ANKRD39: variants seen among roughly 807,000 people sequenced by gnomAD.
The protein encoded by ANKRD39 is ankyrin repeat domain-containing protein 39.
A neutral mutation model predicts 20.3 loss-of-function variants in ANKRD39; 18 were observed. The ratio of observed to expected loss-of-function variants is 0.89; its 90% CI spans 0.61 to 1.32. ANKRD39 has a LOEUF of 1.32. ANKRD39 is among the 40% of genes most tolerant of loss of function. The pLI is 0.00. For synonymous variants in ANKRD39, 106 were observed against 111.9 expected (o/e 0.95, Z 0.33); for missense variants, 243 against 250.7 (o/e 0.97, Z 0.21).
chr2:96,855,356 CAA>C (rs1288088302), intron 1 of ANKRD39, among the ~76,000 whole-genome samples: 6 of 152,130 alleles, frequency 3.9e-5, no homozygotes, highest in Non-Finnish European at 8.8e-5. Flanking sequence ...ATAGATGGGT[CAA>C]AGAGTACTGC....
chr2:96,848,079 G>T lies in ANKRD39; in HGVS notation c.*222C>A. On this transcript the variant is annotated 3_prime_UTR_variant, in exon 4 of 4. Coordinates refer to ENST00000393537, the MANE Select transcript of ANKRD39 (RefSeq NM_016466.6). ...AACTTTATTTTTTTCCAAATAAATA[G>T]ATGTCTCATATGAACTAATTTAGAA... 1 of 477,254 alleles carries T rather than the reference G, an allele frequency of 2.1e-6. No individual in the cohort carries two copies. Among genetic ancestry groups the T allele is most frequent in the East Asian group, 3.1e-5 (1 of 32,192 alleles). The allele number at this position is 477,254 out of a possible 1,614,324, so 29.6% of individuals were successfully genotyped here. A position where few individuals can be genotyped will look rare whatever the true frequency, so the allele number is the denominator to read the frequency against.
rs142016556 is a variant in ANKRD39 at position 96,853,468 on chromosome 2, C to T, written c.341G>A (p.Arg114Gln). 53 of 1,603,036 alleles carry T rather than the reference C, an allele frequency of 3.3e-5. No homozygotes were observed. In the African/African-American group the frequency reaches 5.0e-4, roughly 15 times the overall value. ...ASYCGHTEIA[R>Q]LLLSHGSNPR... ...GTTGGACCCATGTGATAGCAGGAGCCGCGCGATTTCAGTGTGCCCGCAGTA... is the reference window on the plus strand; with the variant it reads ...GTTGGACCCATGTGATAGCAGGAGCTGCGCGATTTCAGTGTGCCCGCAGTA... The change falls in exon 3 of 4, where the codon CGG becomes CAG. Residue 114 changes from arginine (R) to glutamine (Q), a missense_variant. Transcript: ENST00000393537.
At chr2:96,855,904 T>C (rs1255666845) in intron 1 of ANKRD39, among the ~76,000 whole-genome samples, 1 of 151,750 alleles carries the variant, frequency 6.6e-6, no homozygotes, top group African/African-American at 2.4e-5. Context: ...GGCGTGAACC[T>C]GGGAGGTGGA....
chr2:96,848,511 C>G (rs1332702144), intron 3 of ANKRD39, 67 bp from the exon 4 acceptor site: 1 of 1,582,344 alleles, frequency 6.3e-7, no homozygotes, highest in East Asian at 2.3e-5. Flanking sequence ...TCTTGTTCCA[C>G]TTTCAGTGGT....
intron 3 of ANKRD39, among the ~76,000 whole-genome samples, chr2:96,850,539 C>T (rs2079831673): frequency 6.6e-6 from 1 of 152,018 alleles, no homozygotes; most frequent in Non-Finnish European, 1.5e-5. Context: ...GTGGTGCGTG[C>T]CTGTAATCCC....
chr2:96,856,174 T>G (rs951518142), intron 1 of ANKRD39, among the ~76,000 whole-genome samples: 13 of 152,122 alleles, frequency 8.5e-5, no homozygotes, highest in African/African-American at 3.1e-4. Context: ...GTAAAAATTG[T>G]TTTTTATGAA....
intron 3 of ANKRD39, 110 bp downstream of exon 3, chr2:96,853,291 A>AT (rs1348521207): frequency 2.4e-5 from 31 of 1,317,568 alleles, no homozygotes; most frequent in Non-Finnish European, 2.9e-5. Flanking sequence ...ATTACAAATG[A>AT]TTTTAACTGT....
chr2:96,853,524 G>C lies in ANKRD39; in HGVS notation c.285C>G (p.His95Gln). ...ESGAKCDAQT[H>Q]GGATALHRAS... ...CTCGGTGCAGAGCAGTGGCACCCCC[G>C]TGGGTCTGGGCATCACACTTAGCTC... Residue 95 changes from histidine to glutamine, a missense_variant, in exon 3 of 4, where the codon CAC (histidine) becomes CAG (glutamine). Coordinates refer to ENST00000393537, the MANE Select transcript of ANKRD39 (RefSeq NM_016466.6). The C allele has an allele frequency of 6.2e-7, 1 of 1,613,326 alleles. No individual in the cohort carries two copies. The highest frequency in any genetic ancestry group is 8.5e-7 in the Non-Finnish European group (1 of 1,179,932).
rs2079849120 is a variant in ANKRD39 at position 96,853,586 on chromosome 2, C to T, written c.223G>A (p.Gly75Arg). The change falls in exon 3 of 4, where the codon GGG (glycine) becomes AGG (arginine). Residue 75 changes from glycine to arginine, a missense_variant. Gly to Arg is a moderately radical substitution (Grantham distance 125, BLOSUM62 -2). Coordinates refer to ENST00000393537, the MANE Select transcript of ANKRD39 (RefSeq NM_016466.6). ...AGGAACTGGCACACAGCGTAGTGCC[C>T]ATTGCGGCTGGCATAGTGCTGCAGG... ...YTALHYASRNGHYAVCQFLLE... is the reference protein window; with the variant it reads ...YTALHYASRNRHYAVCQFLLE... 1 of 1,612,020 alleles carries T rather than the reference C, an allele frequency of 6.2e-7. No homozygotes were observed. Among genetic ancestry groups the T allele is most frequent in the Admixed American group, 1.7e-5 (1 of 59,996 alleles).
rs921610387 is a variant in ANKRD39, at chr2:96,858,012, G to C, written c.-25C>G. The C allele has an allele frequency of 6.6e-7, 1 of 1,508,300 alleles. No homozygotes were observed. The highest frequency in any genetic ancestry group is 8.8e-7 in the Non-Finnish European group (1 of 1,132,942). The allele number at this position is 1,508,300 out of a possible 1,614,324, so 93.4% of individuals were successfully genotyped here. A position where few individuals can be genotyped will look rare whatever the true frequency, so the allele number is the denominator to read the frequency against. On this transcript the variant is annotated 5_prime_UTR_variant, in exon 1 of 4. Transcript: ENST00000393537. ...TCCCGGCCCCGGCGTCAGTCGATCC[G>C]CCCCGGGTCTCAGGCTCAGCCTCGG...
intron 1 of ANKRD39, among the ~76,000 whole-genome samples, chr2:96,856,554 G>T (rs1281551286): frequency 6.6e-6 from 1 of 151,664 alleles, no homozygotes; most frequent in African/African-American, 2.4e-5. Context: ...CTTCTTAACA[G>T]CACAATTGAC....
In ANKRD39 at chr2:96,848,456, A is replaced by G; in HGVS notation, c.409-12T>C. On this transcript the variant is annotated splice_polypyrimidine_tract_variant and intron_variant, in intron 3 of 3. Transcript: ENST00000393537. ...CCCCTCTCAGCAGCCTGTGGAGAGAAAGGCTGGAATCAAAGGGCATACCCC... is the reference window on the plus strand; with the variant it reads ...CCCCTCTCAGCAGCCTGTGGAGAGAGAGGCTGGAATCAAAGGGCATACCCC... 1 of 1,613,624 alleles carries G rather than the reference A, an allele frequency of 6.2e-7. No individual in the cohort carries two copies. Among genetic ancestry groups the G allele is most frequent in the Non-Finnish European group, 8.5e-7 (1 of 1,179,652 alleles).
chr2:96,852,291 G>A (rs779244462), intron 3 of ANKRD39, among the ~76,000 whole-genome samples: 14 of 150,836 alleles, frequency 9.3e-5, no homozygotes, highest in Non-Finnish European at 2.1e-4. Flanking sequence ...GGAGGCTGAG[G>A]TGGGAAGATC....
chr2:96,851,974 C>T (rs530113328), intron 3 of ANKRD39, among the ~76,000 whole-genome samples: 33 of 151,886 alleles, frequency 2.2e-4, no homozygotes, highest in Non-Finnish European at 4.4e-5. Flanking sequence ...GCCCAGGTGT[C>T]GAGACGATAG....
rs200576046 is a variant in ANKRD39, at chr2:96,857,983, G to A, written c.5C>T (p.Ala2Val). Residue 2 changes from alanine (A) to valine (V), a missense_variant, in exon 1 of 4, where the codon GCG becomes GTG. Coordinates refer to ENST00000393537, the MANE Select transcript of ANKRD39 (RefSeq NM_016466.6). ...CCCGTCCGCGCAGGGCCGAGGCGTC[G>A]CCATCCCGGCCCCGGCGTCAGTCGA... is the stretch of plus-strand genomic sequence containing the variant. Reference protein sequence around the residue: MATPRPCADGPC... With the variant: MVTPRPCADGPC... The A allele has an allele frequency of 2.0e-3, 3,039 of 1,531,032 alleles. 6 individuals carry two copies. Among genetic ancestry groups the A allele is most frequent in the Middle Eastern group, 7.3e-3 (43 of 5,890 alleles). 94.8% of individuals were successfully genotyped at this position (1,531,032 alleles called of 1,614,324 possible).
At chr2:96,853,675 G>C in intron 2 of ANKRD39, 71 bp from the exon 3 acceptor site, 3 of 1,459,500 alleles carry the variant, frequency 2.1e-6, no homozygotes, top group Non-Finnish European at 2.8e-6. Context: ...AGAGGTGAGA[G>C]CATGGCCTCC....
Position 96,848,347 on chromosome 2 carries a change from T to C in ANKRD39, c.506A>G (p.Asp169Gly). 6.2e-7 allele frequency: 1 copy of C among 1,614,170 alleles called. No individual in the cohort carries two copies. Residue 169 changes from aspartate (D) to glycine (G), a missense_variant, in exon 4 of 4, where the codon GAC (aspartate) becomes GGC (glycine). Asp to Gly is a moderately conservative substitution (Grantham distance 94, BLOSUM62 -1). Transcript: ENST00000393537. ...IRDRKARLAC[D>G]LLPCNSDLRD... ...CAGGTCACTGTTGCAAGGCAGCAGG[T>C]CACATGCTAGCCGTGCCTTTCGGTC...
chr2:96,856,135 T>C (rs1033550245), intron 1 of ANKRD39, among the ~76,000 whole-genome samples: 20 of 152,180 alleles, frequency 1.3e-4, no homozygotes, highest in African/African-American at 4.8e-4. Context: ...TGTATTTGTT[T>C]GCACAAAAAA....
At position 96,853,421 on chromosome 2, in the gene ANKRD39, C is replaced by A; in HGVS notation, c.388G>T (p.Gly130Cys). The A allele has an allele frequency of 6.3e-7, 1 of 1,582,096 alleles. No homozygotes were observed. The change falls in exon 3 of 4, where the codon GGC (glycine) becomes TGC (cysteine). Residue 130 changes from glycine (G) to cysteine (C), a missense_variant. By Grantham distance (159) the Gly-to-Cys change is radical. Coordinates refer to ENST00000393537, the MANE Select transcript of ANKRD39 (RefSeq NM_016466.6). ...CCCACCTTATGCAGACTGGTCATGC[C>A]GTCGTCATCCACCACCCTGGGGTTG... Reference protein sequence around the residue: ...GSNPRVVDDDGMTSLHKAAER... With the variant: ...GSNPRVVDDDCMTSLHKAAER...
Sources: gnomAD v4.1 joint callset for allele counts (sites outside exome capture counted in the v4.1 genomes callset) on GRCh38, gnomAD v4.1.1 for gene constraint, MANE v1.5 for transcripts, NCBI Gene and HGNC (gene_info 2026-07-23, HGNC 2026-07-21) for gene names.